The following GALNT13 variants were observed in gnomAD, a reference collection of about 807,000 sequenced individuals.
GALNT13 encodes UDP-GalNAc:polypeptide N-acetylgalactosaminyltransferase 13.
In GALNT13, 28 loss-of-function variants were observed where a neutral mutation model predicts 64.2. The ratio of observed to expected loss-of-function variants is 0.44; its 90% CI spans 0.32 to 0.60. GALNT13 has a LOEUF of 0.60. Among genes scored for constraint, GALNT13 ranks in the 20% least tolerant of loss-of-function variants. The pLI is 0.05. For synonymous variants in GALNT13, 214 were observed against 224.6 expected (o/e 0.95, Z 0.42); for missense variants, 577 against 669.8 (o/e 0.86, Z 1.53).
the GALNT13 span, among the ~76,000 whole-genome samples, chr2:153,503,896 AT>A: frequency 6.6e-6 from 1 of 150,896 alleles, no homozygotes; most frequent in African/African-American, 2.4e-5. Context: ...GAATTCTAGG[AT>A]TTTTTTTTCT....
At chr2:154,381,072 T>A (rs970153446) in intron 9 of GALNT13, among the ~76,000 whole-genome samples, 7 of 152,158 alleles carry the variant, frequency 4.6e-5, no homozygotes, top group African/African-American at 1.4e-4. Flanking sequence ...TCCTATTTTC[T>A]GGATTAGAAG....
In GALNT13 at chr2:153,911,469, A is replaced by G. The variant is rs373529700; in HGVS notation, c.-105+10462A>G. Among the ~76,000 whole-genome samples the G allele has an allele frequency of 1.1e-4, 17 of 152,092 alleles. No homozygotes were observed. In the South Asian group the frequency reaches 3.5e-3, roughly 32 times the overall value. On this transcript the variant is annotated intron_variant, in intron 2 of 12. Transcript: ENST00000392825. ...GTCGCAGTGTTTTTAGCTAGTTTTT[A>G]TGCAGATTTGTTTTTATAGTTACTT...
the GALNT13 span, among the ~76,000 whole-genome samples, chr2:153,534,245 C>T: frequency 2.0e-5 from 3 of 152,154 alleles, no homozygotes; most frequent in Non-Finnish European, 4.4e-5. Flanking sequence ...TTCTTAATAG[C>T]TGGACATGAT....
intron 12 of GALNT13, 137 bp downstream of exon 12, chr2:154,438,863 G>A (rs77654728): frequency 0.11 from 73,924 of 644,714 alleles, 5,041 homozygotes; most frequent in African/African-American, 0.17. Flanking sequence ...GCTCATATCC[G>A]GTAATATTAG....
chr2:153,617,886 A>AT, the GALNT13 span, among the ~76,000 whole-genome samples: 4 of 151,888 alleles, frequency 2.6e-5, no homozygotes, highest in Non-Finnish European at 5.9e-5. Context: ...AATTTCTGTG[A>AT]TATCAGTTGT....
At chr2:153,101,906 T>G in the GALNT13 span, among the ~76,000 whole-genome samples, 10,406 of 152,336 alleles carry the variant, frequency 0.068, 401 homozygotes, top group Middle Eastern at 0.14. Context: ...TATTAGGAAT[T>G]TGAATACTTT....
the GALNT13 span, among the ~76,000 whole-genome samples, chr2:153,838,193 A>G: frequency 2.0e-5 from 3 of 151,932 alleles, no homozygotes; most frequent in Admixed American, 6.6e-5. Context: ...GTCCCATTCT[A>G]TAGGTGGCCT....
At chr2:154,374,200 C>G (rs799782) in intron 9 of GALNT13, among the ~76,000 whole-genome samples, 45,124 of 152,064 alleles carry the variant, frequency 0.3, 7,041 homozygotes, top group South Asian at 0.38. Flanking sequence ...TTGCTGAAAG[C>G]CATTGAGATA....
intron 9 of GALNT13, among the ~76,000 whole-genome samples, chr2:154,356,767 TCTAA>T (rs759464987): frequency 1.1e-4 from 16 of 151,996 alleles, no homozygotes; most frequent in Non-Finnish European, 1.5e-4. Context: ...TTCTTATACT[TCTAA>T]CTGAGCCTTA....
intron 2 of GALNT13, among the ~76,000 whole-genome samples, chr2:153,923,398 A>G (rs1316841892): frequency 1.3e-5 from 2 of 152,180 alleles, no homozygotes; most frequent in African/African-American, 4.8e-5. Context: ...GTTATATACT[A>G]CTACTTTATT....
chr2:153,428,666 G>C, the GALNT13 span, among the ~76,000 whole-genome samples: 1 of 152,178 alleles, frequency 6.6e-6, no homozygotes, highest in Non-Finnish European at 1.5e-5. Context: ...GAATTGTTTC[G>C]TGTAAGAAAC....
chr2:154,286,548 C>A, intron 8 of GALNT13: 1 of 168,382 alleles, frequency 5.9e-6, no homozygotes, highest in South Asian at 1.4e-4. Context: ...AAAATATGGT[C>A]AGAGTGGATG....
the GALNT13 span, among the ~76,000 whole-genome samples, chr2:153,281,384 A>G: frequency 2.0e-4 from 30 of 151,660 alleles, no homozygotes; most frequent in African/African-American, 4.1e-4. Flanking sequence ...TACCATTTAT[A>G]TTTAGTATTG....
At chr2:153,178,119 CTGTT>C in the GALNT13 span, among the ~76,000 whole-genome samples, 2 of 152,142 alleles carry the variant, frequency 1.3e-5, no homozygotes, top group Non-Finnish European at 2.9e-5. Flanking sequence ...TTGATGGACT[CTGTT>C]TGGTTCCATA....
chr2:154,084,782 C>A (rs769949183), intron 3 of GALNT13, among the ~76,000 whole-genome samples: 2 of 151,790 alleles, frequency 1.3e-5, no homozygotes, highest in East Asian at 1.9e-4. Flanking sequence ...TCAACATAGG[C>A]CAATCCTTAG....
At chr2:153,478,791 C>T in the GALNT13 span, 2 of 477,322 alleles carry the variant, frequency 4.2e-6, no homozygotes, top group South Asian at 9.4e-5. Context: ...CCTGGTGGTG[C>T]TCGTTCCCGG....
chr2:153,885,601 G>A (rs912986907), intron 1 of GALNT13, among the ~76,000 whole-genome samples: 2 of 152,100 alleles, frequency 1.3e-5, no homozygotes, highest in Non-Finnish European at 2.9e-5. Flanking sequence ...ATTCCAGATA[G>A]AGGCAGTACA....
chr2:153,457,805 C>T, the GALNT13 span, among the ~76,000 whole-genome samples: 1 of 152,082 alleles, frequency 6.6e-6, no homozygotes, highest in African/African-American at 2.4e-5. Flanking sequence ...GCATTTTCAG[C>T]TGTTTCTAAG....
chr2:154,110,460 G>A (rs1289757583), intron 3 of GALNT13, among the ~76,000 whole-genome samples: 1 of 148,008 alleles, frequency 6.8e-6, no homozygotes, highest in Non-Finnish European at 1.5e-5. Flanking sequence ...TCCCACAATA[G>A]GCCGTCTGCA....
Sources: allele counts gnomAD v4.1 joint callset (sites outside exome capture counted in the v4.1 genomes callset), GRCh38; gene constraint gnomAD v4.1.1; transcripts MANE v1.5; gene names NCBI Gene and HGNC (gene_info 2026-07-23, HGNC 2026-07-21).